Variants in TSPAN18 observed in about 807,000 individuals in gnomAD.
The protein encoded by TSPAN18 is tetraspanin-18.
A neutral mutation model predicts 27.3 loss-of-function variants in TSPAN18; 14 were observed. That is an observed-to-expected ratio of 0.51 (90% CI 0.34 to 0.80). The LOEUF (loss-of-function observed/expected upper bound fraction) is 0.80, where lower values mean the gene tolerates loss of function less well. Among genes scored for constraint, TSPAN18 ranks in the 30% least tolerant of loss-of-function variants. The pLI is 0.01. For synonymous variants in TSPAN18, 143 were observed against 136.5 expected, an observed-to-expected ratio of 1.05 and a Z score of -0.33; for missense variants, 268 against 323.9, an observed-to-expected ratio of 0.83 and a Z score of 1.32.
chr11:44,901,961 C>T (rs896518298), intron 3 of TSPAN18, among the ~76,000 whole-genome samples: 6 of 152,206 alleles, frequency 3.9e-5, no homozygotes, highest in African/African-American at 1.2e-4. Context: ...GGCCATGAGT[C>T]AGTGCTCAAT....
At chr11:44,807,645 TG>T (rs1279579475) in intron 2 of TSPAN18, among the ~76,000 whole-genome samples, 1 of 151,648 alleles carries the variant, frequency 6.6e-6, no homozygotes, top group Non-Finnish European at 1.5e-5. Flanking sequence ...GCAAAATTCC[TG>T]GGGGGAACTC....
intron 3 of TSPAN18, among the ~76,000 whole-genome samples, chr11:44,888,417 C>G (rs1435934518): frequency 6.6e-6 from 1 of 152,112 alleles, no homozygotes. Context: ...ATGACACTGA[C>G]AACATTATTA....
At chr11:44,892,908 A>G (rs1484269807) in intron 3 of TSPAN18, among the ~76,000 whole-genome samples, 1 of 152,202 alleles carries the variant, frequency 6.6e-6, no homozygotes, top group Non-Finnish European at 1.5e-5. Flanking sequence ...TGTATAAAGC[A>G]CTTTCAGGAG....
chr11:44,800,766 TG>T (rs1856462712), intron 2 of TSPAN18, among the ~76,000 whole-genome samples: 1 of 152,080 alleles, frequency 6.6e-6, no homozygotes, highest in East Asian at 1.9e-4. Context: ...TGGGGACAGG[TG>T]GGGGCAGGGA....
At chr11:44,845,015 T>C (rs530897819) in intron 2 of TSPAN18, among the ~76,000 whole-genome samples, 5 of 152,302 alleles carry the variant, frequency 3.3e-5, no homozygotes, top group African/African-American at 1.2e-4. Flanking sequence ...GCCAATACTT[T>C]AGATGTATGT....
At chr11:44,747,194 A>G (rs1855100008) in intron 1 of TSPAN18, among the ~76,000 whole-genome samples, 1 of 152,230 alleles carries the variant, frequency 6.6e-6, no homozygotes, top group Non-Finnish European at 1.5e-5. Context: ...GCACCTAGGA[A>G]CATGCCAGCT....
chr11:44,849,275 G>C (rs895375790), intron 2 of TSPAN18, among the ~76,000 whole-genome samples: 1 of 152,174 alleles, frequency 6.6e-6, no homozygotes, highest in East Asian at 1.9e-4. Flanking sequence ...TGTGTTTTAG[G>C]TGGGGGTCCC....
chr11:44,858,956 G>A (rs1054177439), intron 2 of TSPAN18, among the ~76,000 whole-genome samples: 1 of 152,140 alleles, frequency 6.6e-6, no homozygotes, highest in Non-Finnish European at 1.5e-5. Flanking sequence ...ACCCCTCCTG[G>A]GGAATGCACC....
chr11:44,746,474 C>T (rs535664526), intron 1 of TSPAN18, among the ~76,000 whole-genome samples: 9 of 152,288 alleles, frequency 5.9e-5, no homozygotes, highest in Admixed American at 3.9e-4. Flanking sequence ...TATTGTTTTG[C>T]CAAGAAGCAG....
chr11:44,887,547 C>T (rs1858697761), intron 3 of TSPAN18, among the ~76,000 whole-genome samples: 1 of 152,170 alleles, frequency 6.6e-6, no homozygotes, highest in Admixed American at 6.5e-5. Context: ...AGCACAGTGT[C>T]CACTGCACAG....
At chr11:44,920,567 T>C (rs1248256505) in intron 8 of TSPAN18, among the ~76,000 whole-genome samples, 2 of 152,144 alleles carry the variant, frequency 1.3e-5, no homozygotes, top group Non-Finnish European at 2.9e-5. Flanking sequence ...AGCGCCTGGC[T>C]TTGTGTGCCT....
intron 2 of TSPAN18, among the ~76,000 whole-genome samples, chr11:44,766,323 A>G (rs904586619): frequency 6.6e-6 from 1 of 152,172 alleles, no homozygotes; most frequent in Admixed American, 6.5e-5. Context: ...GCTGTCCCTC[A>G]CTGACAGCGT....
At chr11:44,913,256 G>A (rs1859789935) in intron 5 of TSPAN18, among the ~76,000 whole-genome samples, 1 of 152,212 alleles carries the variant, frequency 6.6e-6, no homozygotes, top group Non-Finnish European at 1.5e-5. Flanking sequence ...CCTTGAGATG[G>A]GGCTGACTGT....
intron 1 of TSPAN18, among the ~76,000 whole-genome samples, chr11:44,731,596 T>TTGTGTGTG (rs796756282): frequency 8.5e-6 from 1 of 117,984 alleles, no homozygotes. Context: ...GGGGCCTGGA[T>TTGTGTGTG]TGTGTGTGTG....
chr11:44,759,205 C>T (rs1376120323), intron 1 of TSPAN18, among the ~76,000 whole-genome samples: 1 of 152,188 alleles, frequency 6.6e-6, no homozygotes, highest in Non-Finnish European at 1.5e-5. Context: ...AAGCTTTGGT[C>T]TCCTTGTGGC....
intron 2 of TSPAN18, among the ~76,000 whole-genome samples, chr11:44,772,993 C>T (rs115537273): frequency 0.014 from 2,072 of 152,112 alleles, 48 homozygotes; most frequent in African/African-American, 0.047. Context: ...GAACAGGTAT[C>T]ACAGGATCCA....
chr11:44,911,937 C>T (rs1464553542), intron 5 of TSPAN18, among the ~76,000 whole-genome samples: 1 of 143,882 alleles, frequency 7.0e-6, no homozygotes, highest in African/African-American at 2.6e-5. Context: ...TTCCCCTCCC[C>T]ACCCCCGCCT....
intron 2 of TSPAN18, among the ~76,000 whole-genome samples, chr11:44,856,779 C>G (rs1857750398): frequency 6.6e-6 from 1 of 152,204 alleles, no homozygotes; most frequent in Non-Finnish European, 1.5e-5. Context: ...CAGCCCCACG[C>G]AAATTTCGGG....
intron 2 of TSPAN18, among the ~76,000 whole-genome samples, chr11:44,797,596 A>G (rs141402551): frequency 1.6e-3 from 245 of 152,314 alleles, no homozygotes; most frequent in African/African-American, 5.5e-3. Context: ...ACACACCTAC[A>G]GTGAACGCCT....
Sources: allele counts gnomAD v4.1 joint callset (sites outside exome capture counted in the v4.1 genomes callset), GRCh38; gene constraint gnomAD v4.1.1; transcripts MANE v1.5; gene names NCBI Gene and HGNC (gene_info 2026-07-23, HGNC 2026-07-21).